Variants in RYR2 observed in about 807,000 individuals in gnomAD.
RYR2 encodes the protein cardiac muscle ryanodine receptor-calcium release channel.
Under a neutral mutation model 601.1 loss-of-function variants are expected in RYR2, and 227 were observed. That is an observed-to-expected ratio of 0.38 (90% confidence interval 0.34 to 0.42). RYR2 has a LOEUF of 0.42. Ranked by LOEUF, RYR2 falls within the 10% of genes least tolerant of loss-of-function variation. RYR2 has a pLI of 1.00. For missense variants in RYR2, 4,646 were observed against 6,156.5 expected (o/e 0.75, Z 8.21); for synonymous variants, 2,223 against 2,175.1 (o/e 1.02, Z -0.61).
chr1:237,651,909 T>C lies in RYR2; in HGVS notation c.7824+408T>C, dbSNP rs570610494. Among the ~76,000 whole-genome samples, 39 of 152,108 alleles carry C rather than the reference T, an allele frequency of 2.6e-4. 1 individual carries two copies. In the South Asian group the frequency reaches 3.1e-3, roughly 12 times the overall value. On this transcript the variant is annotated intron_variant, in intron 51 of 104. Transcript: ENST00000366574. ...AAAATTAGCCGGACGTGGTGGTGGGTGCCTGTAGGCCCAGTTACGTGGAAG... is the reference window on the plus strand; with the variant it reads ...AAAATTAGCCGGACGTGGTGGTGGGCGCCTGTAGGCCCAGTTACGTGGAAG...
At chr1:237,244,862 C>G (rs1686634529) in intron 1 of RYR2, among the ~76,000 whole-genome samples, 1 of 152,120 alleles carries the variant, frequency 6.6e-6, no homozygotes, top group South Asian at 2.1e-4. Flanking sequence ...TGTCAAAGCC[C>G]TTTATAGCAA....
At chr1:237,099,340 C>A (rs1667827826) in intron 1 of RYR2, among the ~76,000 whole-genome samples, 2 of 152,080 alleles carry the variant, frequency 1.3e-5, no homozygotes, top group Admixed American at 1.3e-4. Flanking sequence ...CGGGCTCAAG[C>A]AATCCTCTTA....
intron 1 of RYR2, among the ~76,000 whole-genome samples, chr1:237,210,215 CT>C (rs1031010868): frequency 3.5e-5 from 5 of 142,578 alleles, no homozygotes; most frequent in African/African-American, 9.9e-5. Flanking sequence ...TCAATAAACT[CT>C]TTTTTAAAAA....
chr1:237,375,825 T>C (rs1558709187), intron 7 of RYR2, among the ~76,000 whole-genome samples: 1 of 152,224 alleles, frequency 6.6e-6, no homozygotes, highest in Non-Finnish European at 1.5e-5. Flanking sequence ...GTCAGTTCTC[T>C]CTTCAAAAGA....
chr1:237,372,920 C>T (rs918352793), intron 6 of RYR2, among the ~76,000 whole-genome samples: 6 of 152,196 alleles, frequency 3.9e-5, no homozygotes, highest in East Asian at 1.9e-4. Flanking sequence ...CAAGTTCTTG[C>T]TCTCTTTAAT....
chr1:237,528,551 C>T (rs1326215636), intron 24 of RYR2, among the ~76,000 whole-genome samples: 1 of 151,996 alleles, frequency 6.6e-6, no homozygotes, highest in Non-Finnish European at 1.5e-5. Context: ...GTTCACTGTC[C>T]GTGTGAGTTG....
At chr1:237,792,860 G>A (rs1658632862) in intron 94 of RYR2, among the ~76,000 whole-genome samples, 2 of 152,108 alleles carry the variant, frequency 1.3e-5, no homozygotes, top group African/African-American at 4.8e-5. Flanking sequence ...GTCAATCCTG[G>A]GAGTCATTTT....
chr1:237,678,090 A>G lies in RYR2; in HGVS notation c.8873A>G (p.Gln2958Arg), dbSNP rs34967813. ...RGKGEHFPYE[Q>R]EIKFFAKVVL... ...AAAGGAGAACATTTCCCTTATGAACAAGAAATCAAGTTCTTTGCAAAAGTA... is the reference window on the plus strand; with the variant it reads ...AAAGGAGAACATTTCCCTTATGAACGAGAAATCAAGTTCTTTGCAAAAGTA... The change falls in exon 61 of 105, where the codon CAA (glutamine) becomes CGA (arginine). Residue 2958 changes from glutamine (Q) to arginine (R), a missense_variant. This residue lies in a region of RYR2 where 1,497 missense variants were observed against 1,842.6 expected (regional missense o/e 0.81). Coordinates refer to ENST00000366574, the MANE Select transcript of RYR2 (RefSeq NM_001035.3). 422,026 of 1,596,616 alleles carry G rather than the reference A, an allele frequency of 0.26. 62,959 individuals carry two copies. The highest frequency in any genetic ancestry group is 0.31 in the Non-Finnish European group (361,691 of 1,165,970).
intron 2 of RYR2, among the ~76,000 whole-genome samples, chr1:237,323,119 C>T (rs1188305996): frequency 2.6e-5 from 4 of 152,020 alleles, no homozygotes; most frequent in East Asian, 1.9e-4. Flanking sequence ...CATACTTGTT[C>T]GGGATACTTG....
Position 237,614,055 on chromosome 1 carries a change from G to A in RYR2, c.4927G>A (p.Glu1643Lys). The A allele has an allele frequency of 6.2e-7, 1 of 1,613,086 alleles. No individual in the cohort carries two copies. The highest frequency in any genetic ancestry group is 8.5e-7 in the Non-Finnish European group (1 of 1,179,234). Residue 1643 changes from glutamate (E) to lysine (K), a missense_variant, in exon 37 of 105, where the codon GAG becomes AAG. Physicochemically the swap from Glu to Lys is moderately conservative, Grantham distance 56 (BLOSUM62 1). Transcript: ENST00000366574. This position sits in a 1 kb window ranked among gnomAD's most constrained non-coding sequence, Gnocchi z 4.3. ...CTTCTACAGATCTGTTGACATCTTA[G>A]AGTTGACAGAGCAGGAGGAATTGCT... ...PEENRSVDIL[E>K]LTEQEELLKF...
intron 29 of RYR2, among the ~76,000 whole-genome samples, chr1:237,588,725 C>T (rs893878751): frequency 4.6e-5 from 7 of 152,106 alleles, no homozygotes; most frequent in South Asian, 4.2e-4. Flanking sequence ...CTCAGCTACT[C>T]GGGAGGCTGT....
chr1:237,792,382 CGTGTGTGTGTGTGTGCGT>C lies in RYR2; in HGVS notation c.13782+75_13782+92del, dbSNP rs1658527720. 6.6e-4 allele frequency: 442 copies of C among 667,008 alleles called. 1 individual carries two copies. The African/African-American group carries it at 6.7e-3, about 10-fold the overall frequency. 41.3% of individuals were successfully genotyped at this position (667,008 alleles called of 1,614,324 possible). On this transcript the variant is annotated intron_variant, in intron 94 of 104. Coordinates refer to ENST00000366574, the MANE Select transcript of RYR2 (RefSeq NM_001035.3). ...GTGTGTGTGTGTGTGTGTGTGTGTG[CGTGTGTGTGTGTGTGCGT>C]GTGTGTGTGTGTGTGTGTGTGTGTT...
At chr1:237,495,537 T>C (rs1663977319) in intron 19 of RYR2, among the ~76,000 whole-genome samples, 1 of 152,222 alleles carries the variant, frequency 6.6e-6, no homozygotes, top group Non-Finnish European at 1.5e-5. Flanking sequence ...ACAGTATTGA[T>C]TTAAGATTTC....
At position 237,650,052 on chromosome 1, in the gene RYR2, A is replaced by G; in HGVS notation, c.7688A>G (p.Lys2563Arg). 1.9e-6 allele frequency: 3 copies of G among 1,613,984 alleles called. No individual in the cohort carries two copies. The South Asian group carries it at 3.3e-5, about 18-fold the overall frequency. Residue 2563 changes from lysine to arginine, a missense_variant, in exon 50 of 105, where the codon AAA (lysine) becomes AGA (arginine). Lys to Arg is a conservative substitution (Grantham distance 26, BLOSUM62 2). Transcript: ENST00000366574. ...YRLSKGCSLT[K>R]AQRDSIEVCL... ...CTTTCTAAGGGCTGTTCACTTACCA[A>G]AGCTCAGCGGGATTCCATAGAAGTT...
At chr1:237,715,800 A>G (rs1474118513) in intron 71 of RYR2, among the ~76,000 whole-genome samples, 3 of 152,166 alleles carry the variant, frequency 2.0e-5, no homozygotes, top group African/African-American at 7.2e-5. Context: ...GTATGTTTGT[A>G]TAATTTATAT....
chr1:237,536,742 C>T (rs1177512647), intron 25 of RYR2, among the ~76,000 whole-genome samples: 12 of 134,218 alleles, frequency 8.9e-5, no homozygotes, highest in South Asian at 2.3e-4. Context: ...AAAAATTAGC[C>T]GGGCATGGTG....
At chr1:237,296,082 G>A (rs941043723) in intron 2 of RYR2, among the ~76,000 whole-genome samples, 5 of 152,202 alleles carry the variant, frequency 3.3e-5, no homozygotes, top group African/African-American at 1.2e-4. Flanking sequence ...TGGATGCTTA[G>A]AGAGAGAAGC....
At chr1:237,449,318 C>T (rs933190036) in intron 14 of RYR2, among the ~76,000 whole-genome samples, 10 of 152,108 alleles carry the variant, frequency 6.6e-5, no homozygotes, top group African/African-American at 1.2e-4. Context: ...TGGTTACTTA[C>T]GGTTTATAGC....
chr1:237,203,130 T>C (rs1681390700), intron 1 of RYR2, among the ~76,000 whole-genome samples: 1 of 152,006 alleles, frequency 6.6e-6, no homozygotes, highest in Non-Finnish European at 1.5e-5. Context: ...GAAGCTGTTG[T>C]GAAAAAACCA....
Sources: allele counts gnomAD v4.1 joint callset (sites outside exome capture counted in the v4.1 genomes callset), GRCh38; gene constraint gnomAD v4.1.1; regional missense constraint gnomAD v4.1.1; non-coding constraint Gnocchi (gnomAD v3.1); transcripts MANE v1.5; gene names NCBI Gene and HGNC (gene_info 2026-07-23, HGNC 2026-07-21).